MUC4: variants seen among roughly 807,000 people sequenced by gnomAD.
MUC4 encodes the protein mucin 4, cell surface associated.
Under a neutral mutation model 257.9 loss-of-function variants are expected in MUC4, and 202 were observed. The observed-to-expected ratio is 0.78, with a 90% CI of 0.70 to 0.88. The LOEUF (loss-of-function observed/expected upper bound fraction) is 0.88. Among genes scored for constraint, MUC4 ranks in the 40% least tolerant of loss-of-function variants. The probability of loss-of-function intolerance (pLI) is 0.00; values close to 1 mark genes in which losing one functional copy is unlikely to be tolerated. For missense variants in MUC4, 5,976 were observed against 6,513.7 expected, an observed-to-expected ratio of 0.92 and a Z score of 2.84; for synonymous variants, 2,351 against 2,757.1, an observed-to-expected ratio of 0.85 and a Z score of 4.62.
At chr3:195,765,238 T>C in intron 9 of MUC4, 32 bp downstream of exon 9, 1 of 1,555,006 alleles carries the variant, frequency 6.4e-7, no homozygotes, top group African/African-American at 1.5e-5. Context: ...GGGTGGTGGG[T>C]GGGCTTGTGG....
Position 195,764,104 on chromosome 3 carries a change from G to A in MUC4, c.13985C>T (p.Ala4662Val). The A allele has an allele frequency of 6.2e-7, 1 of 1,605,462 alleles. No individual in the cohort carries two copies. The highest frequency in any genetic ancestry group is 8.5e-7 in the Non-Finnish European group (1 of 1,176,572). ...GTGGGGCCGCCTCTGCTGGTACAGGGCACAGAGGTAGGGCTTGTCATTCCA... is the reference window on the plus strand; with the variant it reads ...GTGGGGCCGCCTCTGCTGGTACAGGACACAGAGGTAGGGCTTGTCATTCCA... ...CRWNDKPYLC[A>V]LYQQRRPHVG... is the part of the protein sequence containing the mutation. Residue 4662 changes from alanine (A) to valine (V), a missense_variant, in exon 11 of 25, where the codon GCC (alanine) becomes GTC (valine). Coordinates refer to ENST00000463781, the MANE Select transcript of MUC4 (RefSeq NM_018406.7).
In MUC4 at chr3:195,760,956, G is replaced by T; in HGVS notation, c.14776C>A (p.Leu4926Met). 1.2e-6 allele frequency: 2 copies of T among 1,614,230 alleles called. No homozygotes were observed. The highest frequency in any genetic ancestry group is 1.1e-5 in the South Asian group (1 of 91,082). ...DSSCIYDTLA[L>M]RNASIGLHTR... ...TGAAGTCCGATGCTTGCGTTGCGCA[G>T]GGCCAGGGTGTCATAGATGCATGAG... is the stretch of plus-strand genomic sequence containing the variant. Residue 4926 changes from leucine to methionine, a missense_variant, in exon 16 of 25, where the codon CTG (leucine) becomes ATG (methionine). Physicochemically the swap from Leu to Met is conservative, Grantham distance 15. This residue lies in a region of MUC4 where 996 missense variants were observed against 1,137.3 expected (regional missense o/e 0.88). Transcript: ENST00000463781.
rs1347556011 is a variant in MUC4, at chr3:195,789,784, G to A, written c.1796C>T (p.Ser599Leu). Residue 599 changes from serine to leucine, a missense_variant, in exon 2 of 25, where the codon TCA (serine) becomes TTA (leucine). Transcript: ENST00000463781. ...GGATGTGTGTCTATCCAGCATAGGTGAAGAAGATGGGGATGTGGCCGTTTT... is the reference window on the plus strand; with the variant it reads ...GGATGTGTGTCTATCCAGCATAGGTAAAGAAGATGGGGATGTGGCCGTTTT... ...MIKTATSPSSSPMLDRHTSQQ... is the reference protein window; with the variant it reads ...MIKTATSPSSLPMLDRHTSQQ... The A allele has an allele frequency of 2.5e-6, 4 of 1,613,984 alleles. No homozygotes were observed. The highest frequency in any genetic ancestry group is 2.2e-5 in the South Asian group (2 of 91,076).
intron 7 of MUC4, among the ~76,000 whole-genome samples, chr3:195,767,681 TCACTG>T (rs1721376668): frequency 9.2e-4 from 1 of 1,086 alleles, no homozygotes; most frequent in Non-Finnish European, 1.9e-3. Context: ...ATCACCACCA[TCACTG>T]GCCACCCCCC....
In MUC4 at chr3:195,782,246, A is replaced by T. The variant is rs1305837659; in HGVS notation, c.9334T>A (p.Ser3112Thr). The T allele has an allele frequency of 1.3e-4, 194 of 1,528,334 alleles. 2 individuals carry two copies. Among genetic ancestry groups the T allele is most frequent in the Non-Finnish European group, 1.7e-4 (189 of 1,135,776 alleles). 94.7% of individuals were successfully genotyped at this position (1,528,334 alleles called of 1,614,324 possible). A position where few individuals can be genotyped will look rare whatever the true frequency, so the allele number is the denominator to read the frequency against. ...TTPLPVTSPS[S>T]ASTGHTTPLP... ...GGGGTGGTGTGACCTGTGGATGCTG[A>T]GGAAGGGCTAGTGACAGGAAGAGGC... Residue 3112 changes from serine to threonine, a missense_variant, in exon 2 of 25, where the codon TCA (serine) becomes ACA (threonine). Ser to Thr is a moderately conservative substitution (Grantham distance 58, BLOSUM62 1). This residue lies in a region of MUC4 where 128 missense variants were observed against 104.8 expected (regional missense o/e 1.22). Transcript: ENST00000463781.
At chr3:195,772,807 C>A (rs1723323374) in intron 4 of MUC4, among the ~76,000 whole-genome samples, 1 of 143,406 alleles carries the variant, frequency 7.0e-6, no homozygotes, top group Non-Finnish European at 1.5e-5. Context: ...CTCCATCGCT[C>A]AGGGGTGTAG....
chr3:195,789,297 G>A lies in MUC4; in HGVS notation c.2283C>T (p.Ser761=). The change falls in exon 2 of 25, where the codon AGC becomes AGT. Residue 761 remains serine, a synonymous_variant. Coordinates refer to ENST00000463781, the MANE Select transcript of MUC4 (RefSeq NM_018406.7). ...TGGCTGCTGCTGTGTCAGGTGAGGT[G>A]CTGGCAGAGGCTGATGTCCATTGTC... ...PEGQWTSASA[S]TSPDTAAAMT... is the part of the protein sequence containing the mutation. 6.2e-7 allele frequency: 1 copy of A among 1,613,908 alleles called. No homozygotes were observed. Among genetic ancestry groups the A allele is most frequent in the Non-Finnish European group, 8.5e-7 (1 of 1,179,866 alleles).
chr3:195,776,804 C>T (rs370175337), intron 3 of MUC4, among the ~76,000 whole-genome samples: 24 of 73,204 alleles, frequency 3.3e-4, no homozygotes, highest in African/African-American at 8.2e-4. Flanking sequence ...ACCTTCCACA[C>T]CCATACCTTC....
At chr3:195,794,771 C>T (rs1386580740) in intron 1 of MUC4, among the ~76,000 whole-genome samples, 6 of 152,284 alleles carry the variant, frequency 3.9e-5, no homozygotes, top group Non-Finnish European at 8.8e-5. Flanking sequence ...GACTGTAATT[C>T]GCCACCTTCT....
Position 195,781,802 on chromosome 3 carries a change from C to T in MUC4, c.9778G>A (p.Gly3260Ser). 9.2e-7 allele frequency: 1 copy of T among 1,090,220 alleles called. No homozygotes were observed. Among genetic ancestry groups the T allele is most frequent in the Non-Finnish European group, 1.2e-6 (1 of 856,184 alleles). 67.5% of individuals were successfully genotyped at this position (1,090,220 alleles called of 1,614,324 possible). The change falls in exon 2 of 25, where the codon GGT (glycine) becomes AGT (serine). Residue 3260 changes from glycine to serine, a missense_variant. By Grantham distance (56) the Gly-to-Ser change is moderately conservative (BLOSUM62 0). Around this residue, in one of 44 missense-constraint regions of MUC4, gnomAD observed 51 missense variants for 66.9 expected, o/e 0.76. Coordinates refer to ENST00000463781, the MANE Select transcript of MUC4 (RefSeq NM_018406.7). ...PVTDTSSAST[G>S]DTTSLPVTDT... The stretch of plus-strand genomic sequence containing the variant: ...GTGACAGGAAGAGAGGTGGTGTCAC[C>T]TGTGGATGCTGAGGAAGTGTCGGTG...
chr3:195,778,856 C>A lies in MUC4; in HGVS notation c.12724G>T (p.Ala4242Ser), dbSNP rs11915904. Reference sequence around the variant, plus strand: ...GAAGCTGAGGTAGCACTGCTGACAGCAAGAGGGGTGGCGTGACCTGTGGAT... The same window carrying A: ...GAAGCTGAGGTAGCACTGCTGACAGAAAGAGGGGTGGCGTGACCTGTGGAT... The part of the protein sequence containing the change: ...SVSTGHATPL[A>S]VSSATSASTV... The change falls in exon 2 of 25, where the codon GCT becomes TCT. Residue 4242 changes from alanine (A) to serine (S), a missense_variant. Ala to Ser is a moderately conservative substitution (Grantham distance 99, BLOSUM62 1). Coordinates refer to ENST00000463781, the MANE Select transcript of MUC4 (RefSeq NM_018406.7). 7 of 1,575,612 alleles carry A rather than the reference C, an allele frequency of 4.4e-6. No homozygotes were observed. Among genetic ancestry groups the A allele is most frequent in the African/African-American group, 1.6e-5 (1 of 62,862 alleles).
chr3:195,765,991 C>A (rs761708064), intron 8 of MUC4, among the ~76,000 whole-genome samples: 6 of 152,264 alleles, frequency 3.9e-5, no homozygotes, highest in Non-Finnish European at 8.8e-5. Flanking sequence ...GATGGAGTCT[C>A]ACTCTGTCAC....
rs1733701506 is a variant in MUC4 at position 195,790,319 on chromosome 3, T to C, written c.1261A>G (p.Ile421Val). The C allele has an allele frequency of 5.0e-6, 8 of 1,613,796 alleles. No individual in the cohort carries two copies. The highest frequency in any genetic ancestry group is 2.2e-5 in the East Asian group (1 of 44,902). The change falls in exon 2 of 25, where the codon ATC becomes GTC. Residue 421 changes from isoleucine to valine, a missense_variant. Transcript: ENST00000463781. ...CATATGGTTGAAACTTTGGAAGTGATTGCAGAAATGGTTCCACTTACAGAT... is the reference window on the plus strand; with the variant it reads ...CATATGGTTGAAACTTTGGAAGTGACTGCAGAAATGGTTCCACTTACAGAT... ...SLSVSGTISA[I>V]TSKVSTIWWS...
At chr3:195,805,686 G>A (rs1578493522) in intron 1 of MUC4, among the ~76,000 whole-genome samples, 3 of 152,034 alleles carry the variant, frequency 2.0e-5, no homozygotes, top group Admixed American at 2.0e-4. Flanking sequence ...TAGTAGAGAC[G>A]GGGTTTTGCC....
At chr3:195,767,591 C>T (rs1369338102) in intron 7 of MUC4, among the ~76,000 whole-genome samples, 55 of 108,972 alleles carry the variant, frequency 5.0e-4, no homozygotes, top group African/African-American at 9.2e-4. Flanking sequence ...ACCATCACCA[C>T]CACCACCATC....
rs1197193773 is a variant in MUC4 at position 195,765,370 on chromosome 3, C to T, written c.13698G>A (p.Lys4566=). The T allele has an allele frequency of 1.9e-6, 3 of 1,613,606 alleles. No individual in the cohort carries two copies. The East Asian group carries it at 6.7e-5, about 36-fold the overall frequency. The change falls in exon 9 of 25, where the codon AAG becomes AAA. Residue 4566 remains lysine, a synonymous_variant. Transcript: ENST00000463781. ...NYRLECLQWL[K]SQPRWPSWGW... Reference sequence around the variant, plus strand: ...CCCAGCTGGGCCACCGAGGCTGGCTCTTCAGCCACTGCAGGCACTCGAGAC... The same window carrying T: ...CCCAGCTGGGCCACCGAGGCTGGCTTTTCAGCCACTGCAGGCACTCGAGAC...
rs7372250 is a variant in MUC4 at position 195,786,809 on chromosome 3, A to G, written c.4771T>C (p.Ser1591Pro). ...GTGGTGTCACCTTTGGATGCTGAGG[A>G]AGTGTCGGTGACAGGAAGAGGGGTG... ...HTTPLPVTDT[S>P]SASKGDTTPL... Residue 1591 changes from serine to proline, a missense_variant, in exon 2 of 25, where the codon TCC (serine) becomes CCC (proline). This residue lies in a region of MUC4 where 63 missense variants were observed against 68.8 expected (regional missense o/e 0.92). Coordinates refer to ENST00000463781, the MANE Select transcript of MUC4 (RefSeq NM_018406.7). 9 of 671,722 alleles carry G rather than the reference A, an allele frequency of 1.3e-5. No homozygotes were observed. The East Asian group carries it at 5.7e-4, about 42-fold the overall frequency. 41.6% of individuals were successfully genotyped at this position (671,722 alleles called of 1,614,324 possible).
Position 195,791,261 on chromosome 3 carries a change from C to T in MUC4, c.319G>A (p.Val107Ile), listed in dbSNP as rs1326481083. Reference sequence around the variant, plus strand: ...GGAGCTGTCTCCATCACATTGTGTACACTTGGGGAAGAAAAAAGAGTTGAT... The same window carrying T: ...GGAGCTGTCTCCATCACATTGTGTATACTTGGGGAAGAAAAAAGAGTTGAT... ...MTSTLFSSPS[V>I]HNVMETAPPD... The change falls in exon 2 of 25, where the codon GTA becomes ATA. Residue 107 changes from valine (V) to isoleucine (I), a missense_variant. Val to Ile is a conservative substitution (Grantham distance 29). Coordinates refer to ENST00000463781, the MANE Select transcript of MUC4 (RefSeq NM_018406.7). 27 of 1,613,536 alleles carry T rather than the reference C, an allele frequency of 1.7e-5. No homozygotes were observed. The highest frequency in any genetic ancestry group is 1.2e-4 in the African/African-American group (9 of 74,888).
rs1420323366 is a variant in MUC4 at position 195,765,047 on chromosome 3, G to A, written c.13874C>T (p.Pro4625Leu). Residue 4625 changes from proline to leucine, a missense_variant, in exon 10 of 25, where the codon CCC (proline) becomes CTC (leucine). By Grantham distance (98) the Pro-to-Leu change is moderately conservative. Around this residue, in one of 44 missense-constraint regions of MUC4, gnomAD observed 996 missense variants for 1,137.3 expected, o/e 0.88. Transcript: ENST00000463781. ...CCAGCCTTCACGAAACTCTCCCCAG[G>A]GCCCGTAGCTGCAGCACACGCCTCC... ...WRGGVCCSYG[P>L]WGEFREGWHV... 1.9e-6 allele frequency: 3 copies of A among 1,613,966 alleles called. No individual in the cohort carries two copies. Among genetic ancestry groups the A allele is most frequent in the Non-Finnish European group, 8.5e-7 (1 of 1,179,992 alleles).
Sources: allele counts gnomAD v4.1 joint callset (sites outside exome capture counted in the v4.1 genomes callset), GRCh38; gene constraint gnomAD v4.1.1; regional missense constraint gnomAD v4.1.1; transcripts MANE v1.5; gene names NCBI Gene and HGNC (gene_info 2026-07-23, HGNC 2026-07-21).